RBM6: variants seen among roughly 807,000 people sequenced by gnomAD.
RBM6 encodes RNA binding motif protein 6.
RBM6 carries 23 observed loss-of-function variants against 140.4 expected under a neutral mutation model. The observed-to-expected ratio is 0.16, with a 90% confidence interval of 0.12 to 0.23. RBM6 has a LOEUF of 0.23. Among genes scored for constraint, RBM6 ranks in the 10% least tolerant of loss-of-function variants. RBM6 has a pLI of 1.00. For synonymous variants in RBM6, 439 were observed against 475.6 expected, an observed-to-expected ratio of 0.92 and a Z score of 1.00; for missense variants, 1,139 against 1,386.7, an observed-to-expected ratio of 0.82 and a Z score of 2.84.
chr3:49,988,968 C>G (rs1575622643), intron 5 of RBM6, among the ~76,000 whole-genome samples: 1 of 151,996 alleles, frequency 6.6e-6, no homozygotes, highest in Non-Finnish European at 1.5e-5. Context: ...AAAAAAATCT[C>G]CTTGTCCAGG....
intron 6 of RBM6, among the ~76,000 whole-genome samples, chr3:50,042,305 GATCACACAGCA>G (rs1263724143): frequency 6.6e-6 from 1 of 152,202 alleles, no homozygotes; most frequent in Non-Finnish European, 1.5e-5. Flanking sequence ...GTAATGGGAA[GATCACACAGCA>G]ATCATTTTCT....
chr3:49,999,120 T>C (rs2086212891), intron 5 of RBM6, among the ~76,000 whole-genome samples: 1 of 151,992 alleles, frequency 6.6e-6, no homozygotes, highest in Admixed American at 6.6e-5. Context: ...TTAAAATGTT[T>C]CGGGTCCCCA....
At chr3:49,958,200 C>T (rs1371565164) in intron 1 of RBM6, among the ~76,000 whole-genome samples, 9 of 151,260 alleles carry the variant, frequency 6.0e-5, no homozygotes, top group South Asian at 2.1e-4. Context: ...CTAAGGCGGG[C>T]GGATCACGAG....
At chr3:50,010,545 C>T (rs2086791602) in intron 6 of RBM6, among the ~76,000 whole-genome samples, 1 of 152,000 alleles carries the variant, frequency 6.6e-6, no homozygotes, top group African/African-American at 2.4e-5. Flanking sequence ...TACTTTAAAA[C>T]AGTGGATTTT....
intron 15 of RBM6, among the ~76,000 whole-genome samples, chr3:50,064,270 C>G (rs1401715921): frequency 6.6e-6 from 1 of 151,954 alleles, no homozygotes; most frequent in African/African-American, 2.4e-5. Context: ...TTTAGAGATA[C>G]AGAAAAGAGG....
chr3:50,029,220 C>G (rs2088006559), intron 6 of RBM6, among the ~76,000 whole-genome samples: 1 of 152,054 alleles, frequency 6.6e-6, no homozygotes, highest in South Asian at 2.1e-4. Context: ...GGTATGTAGA[C>G]TTAAAAAGAG....
At chr3:49,948,083 A>G (rs1265591898) in intron 1 of RBM6, among the ~76,000 whole-genome samples, 1 of 152,092 alleles carries the variant, frequency 6.6e-6, no homozygotes, top group Admixed American at 6.6e-5. Context: ...ACAGAGCGAG[A>G]CATGAGAATC....
intron 3 of RBM6, among the ~76,000 whole-genome samples, chr3:49,969,659 G>A (rs2084693441): frequency 6.6e-6 from 1 of 151,716 alleles, no homozygotes; most frequent in South Asian, 2.1e-4. Context: ...GTGCGGTGGT[G>A]TAATTATGGC....
At chr3:50,026,890 C>A (rs192707401) in intron 6 of RBM6, among the ~76,000 whole-genome samples, 10 of 140,066 alleles carry the variant, frequency 7.1e-5, no homozygotes, top group Non-Finnish European at 1.2e-4. Context: ...CAGAGTGAGA[C>A]CTTGTCTCAC....
chr3:49,986,975 G>C (rs1237259969), intron 5 of RBM6, among the ~76,000 whole-genome samples: 2 of 152,052 alleles, frequency 1.3e-5, no homozygotes, highest in African/African-American at 4.8e-5. Flanking sequence ...GTAGAGACGA[G>C]GTTTTGCCAT....
intron 5 of RBM6, among the ~76,000 whole-genome samples, chr3:49,977,937 C>A (rs139336108): frequency 2.6e-5 from 4 of 152,026 alleles, no homozygotes; most frequent in African/African-American, 9.7e-5. Flanking sequence ...AGCAACATAG[C>A]AAGACCTTGT....
intron 6 of RBM6, among the ~76,000 whole-genome samples, chr3:50,033,983 C>T (rs1316325271): frequency 6.6e-6 from 1 of 151,966 alleles, no homozygotes; most frequent in Non-Finnish European, 1.5e-5. Context: ...CCTTATTATA[C>T]ATAAACATAC....
intron 1 of RBM6, among the ~76,000 whole-genome samples, chr3:49,947,260 A>T (rs1373634405): frequency 4.0e-5 from 1 of 24,864 alleles, no homozygotes; most frequent in Admixed American, 4.3e-4. Flanking sequence ...TCAAAAAAAA[A>T]AAGGGGGGGG....
intron 5 of RBM6, among the ~76,000 whole-genome samples, chr3:49,978,094 C>T (rs368000801): frequency 3.9e-5 from 6 of 152,246 alleles, no homozygotes; most frequent in South Asian, 2.1e-4. Context: ...TCAAACCCCT[C>T]GGCTCAAGTG....
At chr3:50,061,072 A>G in intron 12 of RBM6, 68 bp from the exon 13 acceptor site, 4 of 1,608,134 alleles carry the variant, frequency 2.5e-6, no homozygotes, top group Non-Finnish European at 3.4e-6. Flanking sequence ...AATTTTCTTT[A>G]GTGGGTGACT....
intron 6 of RBM6, among the ~76,000 whole-genome samples, chr3:50,012,835 C>T (rs1010603707): frequency 6.6e-6 from 1 of 151,004 alleles, no homozygotes; most frequent in Admixed American, 6.6e-5. Context: ...CTCCCCGTCC[C>T]GGGTTCAAGC....
At chr3:50,013,047 C>G (rs913741143) in intron 6 of RBM6, among the ~76,000 whole-genome samples, 1 of 152,178 alleles carries the variant, frequency 6.6e-6, no homozygotes, top group African/African-American at 2.4e-5. Flanking sequence ...CAGGCCCACC[C>G]AGATTCTTCT....
intron 19 of RBM6, among the ~76,000 whole-genome samples, chr3:50,073,788 C>G (rs921338257): frequency 6.6e-6 from 1 of 151,806 alleles, no homozygotes; most frequent in African/African-American, 2.4e-5. Flanking sequence ...GGATGAGGTT[C>G]AGAGACATGA....
intron 6 of RBM6, among the ~76,000 whole-genome samples, chr3:50,015,171 A>G (rs2087061097): frequency 1.3e-5 from 2 of 150,144 alleles, no homozygotes; most frequent in Non-Finnish European, 3.0e-5. Flanking sequence ...CAGTAGCACC[A>G]TCTTGGCTCA....
Sources: gnomAD v4.1 joint callset for allele counts (sites outside exome capture counted in the v4.1 genomes callset) on GRCh38, gnomAD v4.1.1 for gene constraint, MANE v1.5 for transcripts, NCBI Gene and HGNC (gene_info 2026-07-23, HGNC 2026-07-21) for gene names.